Variants in PTPN3 observed in about 807,000 individuals in gnomAD.
PTPN3 encodes tyrosine-protein phosphatase non-receptor type 3.
In PTPN3, 96 loss-of-function variants were observed where a neutral mutation model predicts 132.7. That is an observed-to-expected ratio of 0.72 (90% CI 0.61 to 0.86). PTPN3 has a LOEUF of 0.86. Ranked by LOEUF, PTPN3 falls within the 40% of genes least tolerant of loss-of-function variation. The pLI is 0.00. For synonymous variants in PTPN3, 398 were observed against 429.0 expected, an observed-to-expected ratio of 0.93 and a Z score of 0.89; for missense variants, 1,125 against 1,159.6, an observed-to-expected ratio of 0.97 and a Z score of 0.43.
chr9:109,457,381 C>A lies in PTPN3; in HGVS notation c.157G>T (p.Val53Phe), dbSNP rs751601039. Residue 53 changes from valine to phenylalanine, a missense_variant, in exon 3 of 26, where the codon GTT becomes TTT. Val to Phe is a conservative substitution (Grantham distance 50). Transcript: ENST00000374541. ...FKVTKQDTGQ[V>F]LLDMVHNHLG... ...TGGTTGTGCACCATATCCAGAAGAA[C>A]CTGGCCAGTGTCTTGTTTCTAGAAC... 1.1e-5 allele frequency: 17 copies of A among 1,613,372 alleles called. No individual in the cohort carries two copies. Among genetic ancestry groups the A allele is most frequent in the Non-Finnish European group, 1.4e-5 (17 of 1,179,862 alleles).
At chr9:109,521,382 A>G in the PTPN3 span, among the ~76,000 whole-genome samples, 1 of 151,696 alleles carries the variant, frequency 6.6e-6, no homozygotes, top group Non-Finnish European at 1.5e-5. Flanking sequence ...CTGGTTTCGA[A>G]CTCCCGAACT....
chr9:109,389,413 T>C (rs1839874305), intron 21 of PTPN3, 34 bp from the exon 22 acceptor site: 2 of 1,601,070 alleles, frequency 1.2e-6, no homozygotes, highest in East Asian at 2.2e-5. Context: ...TAGAATCTGT[T>C]GCTGCCCCAG....
In PTPN3 at chr9:109,389,181, C is replaced by T. The variant is rs1839847000; in HGVS notation, c.2253+52G>A. 3.1e-6 allele frequency: 5 copies of T among 1,595,706 alleles called. No homozygotes were observed. In the East Asian group the frequency reaches 1.1e-4, roughly 36 times the overall value. ...TCTCAGCGCTGAGATTCATGTTACACAGAGTAGGGTGTGACACTGCACACA... is the reference window on the plus strand; with the variant it reads ...TCTCAGCGCTGAGATTCATGTTACATAGAGTAGGGTGTGACACTGCACACA... On this transcript the variant is annotated intron_variant, in intron 22 of 25. Coordinates refer to ENST00000374541, the MANE Select transcript of PTPN3 (RefSeq NM_002829.4).
At chr9:109,480,670 T>A (rs1359072121) in intron 1 of PTPN3, among the ~76,000 whole-genome samples, 3 of 152,324 alleles carry the variant, frequency 2.0e-5, no homozygotes, top group East Asian at 3.9e-4. Flanking sequence ...TAGGGTCTTT[T>A]ATTAAGGTCA....
intron 1 of PTPN3, among the ~76,000 whole-genome samples, chr9:109,491,383 T>C (rs1847455312): frequency 6.6e-6 from 1 of 152,092 alleles, no homozygotes; most frequent in Non-Finnish European, 1.5e-5. Context: ...TAGATATATA[T>C]GTACACAGGG....
Position 109,406,637 on chromosome 9 carries a change from C to G in PTPN3, c.1636-19G>C. Reference sequence around the variant, plus strand: ...TGTCCGCCTGGGTGGTGGGGAAAAGCGAGTTTCTCCTGTTACCATAACACA... The same window carrying G: ...TGTCCGCCTGGGTGGTGGGGAAAAGGGAGTTTCTCCTGTTACCATAACACA... On this transcript the variant is annotated intron_variant, in intron 17 of 25. Transcript: ENST00000374541. 6.2e-7 allele frequency: 1 copy of G among 1,613,058 alleles called. No individual in the cohort carries two copies. Among genetic ancestry groups the G allele is most frequent in the Non-Finnish European group, 8.5e-7 (1 of 1,179,150 alleles).
chr9:109,393,542 A>G (rs891811320), intron 19 of PTPN3, among the ~76,000 whole-genome samples: 4 of 151,836 alleles, frequency 2.6e-5, no homozygotes, highest in East Asian at 1.9e-4. Flanking sequence ...ATCCATCACC[A>G]CACCTGCTTA....
intron 1 of PTPN3, among the ~76,000 whole-genome samples, chr9:109,495,135 CTA>C (rs1847620288): frequency 6.6e-6 from 1 of 152,198 alleles, no homozygotes; most frequent in Non-Finnish European, 1.5e-5. Context: ...CCTCCTGTCT[CTA>C]TTAGAGTTGG....
intron 5 of PTPN3, among the ~76,000 whole-genome samples, chr9:109,451,774 T>G (rs1845261911): frequency 6.6e-6 from 1 of 152,148 alleles, no homozygotes; most frequent in Admixed American, 6.5e-5. Context: ...GCACTGGCCG[T>G]AGGAAACCTC....
the PTPN3 span, among the ~76,000 whole-genome samples, chr9:109,536,748 A>C: frequency 1.0e-3 from 152 of 152,180 alleles, no homozygotes; most frequent in Admixed American, 2.7e-3. Context: ...ACAAAGGGAA[A>C]GGAAGAAGAT....
At chr9:109,438,905 G>C (rs905854180) in intron 7 of PTPN3, among the ~76,000 whole-genome samples, 1 of 152,334 alleles carries the variant, frequency 6.6e-6, no homozygotes, top group East Asian at 1.9e-4. Flanking sequence ...GGAGTCAGAA[G>C]ATATGAAGAG....
chr9:109,391,181 A>G lies in PTPN3; in HGVS notation c.2063T>C (p.Leu688Ser), dbSNP rs1840055579. The G allele has an allele frequency of 1.9e-6, 3 of 1,613,512 alleles. No individual in the cohort carries two copies. Among genetic ancestry groups the G allele is most frequent in the Non-Finnish European group, 2.5e-6 (3 of 1,179,646 alleles). ...DVLPYDTTRVLLQGNEDYINA... is the reference protein window; with the variant it reads ...DVLPYDTTRVSLQGNEDYINA... Reference sequence around the variant, plus strand: ...AATATAATCTTCATTTCCCTGCAATAATACCCGGGTGGTGTCATCTGCGGG... The same window carrying G: ...AATATAATCTTCATTTCCCTGCAATGATACCCGGGTGGTGTCATCTGCGGG... The change falls in exon 21 of 26, where the codon TTA becomes TCA. Residue 688 changes from leucine to serine, a missense_variant. By Grantham distance (145) the Leu-to-Ser change is moderately radical. Coordinates refer to ENST00000374541, the MANE Select transcript of PTPN3 (RefSeq NM_002829.4).
chr9:109,382,619 C>T (rs898341497), intron 23 of PTPN3, among the ~76,000 whole-genome samples, 172 bp from the exon 24 acceptor site: 1 of 152,164 alleles, frequency 6.6e-6, no homozygotes, highest in Admixed American at 6.5e-5. Flanking sequence ...CCCATCCCCT[C>T]TCAGGCTCAG....
At chr9:109,484,539 T>A (rs768984048) in intron 1 of PTPN3, among the ~76,000 whole-genome samples, 2 of 152,100 alleles carry the variant, frequency 1.3e-5, no homozygotes, top group Admixed American at 6.5e-5. Context: ...GGAGCTAGAA[T>A]TGAGGGGCAA....
At chr9:109,444,254 C>G (rs1844694044) in intron 7 of PTPN3, among the ~76,000 whole-genome samples, 1 of 152,200 alleles carries the variant, frequency 6.6e-6, no homozygotes, top group Admixed American at 6.5e-5. Flanking sequence ...TGTACTGCCA[C>G]CACAAAGCTA....
At chr9:109,391,074 G>A (rs1840039209) in intron 21 of PTPN3, 64 bp downstream of exon 21, 3 of 1,444,238 alleles carry the variant, frequency 2.1e-6, no homozygotes, top group Admixed American at 3.5e-5. Context: ...CCCCACACAG[G>A]CCCTCATCAT....
chr9:109,488,162 T>G lies in PTPN3; in HGVS notation c.-18+10057A>C, dbSNP rs573586711. On this transcript the variant is annotated intron_variant, in intron 1 of 25. Coordinates refer to ENST00000374541, the MANE Select transcript of PTPN3 (RefSeq NM_002829.4). ...CCCAGGCTGGAGTGAAGTGGCATGA[T>G]CTGGCTCACTGCAACCTCTGCCCCC... Among the ~76,000 whole-genome samples, 8 of 149,754 alleles carry G rather than the reference T, an allele frequency of 5.3e-5. No individual in the cohort carries two copies. The South Asian group carries it at 1.7e-3, about 32-fold the overall frequency.
intron 5 of PTPN3, chr9:109,449,955 T>C (rs911519130): frequency 2.0e-6 from 2 of 985,244 alleles, no homozygotes; most frequent in Non-Finnish European, 2.4e-6. Context: ...TTCCCTCTTA[T>C]CTCAGCCTCA....
At chr9:109,431,969 T>C (rs1335356543) in intron 10 of PTPN3, among the ~76,000 whole-genome samples, 1 of 151,444 alleles carries the variant, frequency 6.6e-6, no homozygotes, top group African/African-American at 2.4e-5. Flanking sequence ...ACAGTAAGCA[T>C]GCAATAAGAA....
Sources: gnomAD v4.1 joint callset for allele counts (sites outside exome capture counted in the v4.1 genomes callset) on GRCh38, gnomAD v4.1.1 for gene constraint, MANE v1.5 for transcripts, NCBI Gene and HGNC (gene_info 2026-07-23, HGNC 2026-07-21) for gene names.